Variants in LRRC4C observed in about 807,000 individuals in gnomAD.
LRRC4C encodes leucine rich repeat containing 4C.
A neutral mutation model predicts 33.6 loss-of-function variants in LRRC4C; 5 were observed. The observed-to-expected ratio is 0.15, with a 90% CI of 0.08 to 0.31. The LOEUF (loss-of-function observed/expected upper bound fraction) is 0.31, where lower values mean the gene tolerates loss of function less well. Among genes scored for constraint, LRRC4C ranks in the 10% least tolerant of loss-of-function variants. The pLI is 1.00. For synonymous variants in LRRC4C, 329 were observed against 302.0 expected (o/e 1.09, Z -0.93); for missense variants, 560 against 796.7 (o/e 0.70, Z 3.58).
intron 3 of LRRC4C, among the ~76,000 whole-genome samples, chr11:40,629,611 CTT>C (rs543692400): frequency 9.2e-5 from 14 of 152,134 alleles, no homozygotes; most frequent in Non-Finnish European, 1.9e-4. Flanking sequence ...GCACAGTTAA[CTT>C]AAGTCTCTCA....
intron 1 of LRRC4C, among the ~76,000 whole-genome samples, chr11:41,384,828 T>C (rs933257214): frequency 1.3e-5 from 2 of 149,372 alleles, no homozygotes; most frequent in African/African-American, 4.9e-5. Flanking sequence ...TTCAGTATAC[T>C]ATACAAATGA....
At chr11:41,007,225 A>C (rs180947301) in intron 1 of LRRC4C, among the ~76,000 whole-genome samples, 54 of 152,266 alleles carry the variant, frequency 3.5e-4, no homozygotes, top group Non-Finnish European at 6.5e-4. Flanking sequence ...AGAAAAAAAC[A>C]ATAGCTCAAT....
intron 3 of LRRC4C, among the ~76,000 whole-genome samples, chr11:40,624,313 T>A (rs1008201149): frequency 6.6e-6 from 1 of 152,162 alleles, no homozygotes; most frequent in Non-Finnish European, 1.5e-5. Context: ...ATGCTTAAAC[T>A]AGTCTTTAGC....
At chr11:40,566,498 T>C (rs549414084) in intron 3 of LRRC4C, among the ~76,000 whole-genome samples, 241 of 152,238 alleles carry the variant, frequency 1.6e-3, no homozygotes, top group Non-Finnish European at 1.5e-3. Flanking sequence ...GAATAGTTAC[T>C]AGAAGTTAGA....
At chr11:40,480,981 T>G (rs1316849441) in intron 3 of LRRC4C, among the ~76,000 whole-genome samples, 1 of 151,442 alleles carries the variant, frequency 6.6e-6, no homozygotes, top group Admixed American at 6.6e-5. Flanking sequence ...AGTTATAAGA[T>G]GAAGAAGTTT....
chr11:40,145,906 G>C (rs1377867588), intron 5 of LRRC4C, among the ~76,000 whole-genome samples: 1 of 152,144 alleles, frequency 6.6e-6, no homozygotes, highest in African/African-American at 2.4e-5. Context: ...GAAATGAATT[G>C]TTTAAATTAA....
chr11:40,554,878 C>T (rs1046630815), intron 3 of LRRC4C, among the ~76,000 whole-genome samples: 7 of 149,724 alleles, frequency 4.7e-5, no homozygotes, highest in Admixed American at 4.0e-4. Context: ...CCCGCTACCA[C>T]GCCCGGCTAA....
At chr11:40,265,493 A>G in intron 4 of LRRC4C, among the ~76,000 whole-genome samples, 1 of 152,184 alleles carries the variant, frequency 6.6e-6, no homozygotes, top group African/African-American at 2.4e-5. Context: ...CTCTTTTGCA[A>G]CCCCAAAGTG....
intron 4 of LRRC4C, among the ~76,000 whole-genome samples, chr11:40,257,141 C>A (rs1212969191): frequency 6.6e-6 from 1 of 152,052 alleles, no homozygotes; most frequent in Non-Finnish European, 1.5e-5. Flanking sequence ...CAGTGGCCAC[C>A]CAATTATAAT....
rs540741496 is a variant in LRRC4C at position 40,303,461 on chromosome 11, T to C, written c.-176+16167A>G. On this transcript the variant is annotated intron_variant, in intron 4 of 6. Transcript: ENST00000528697. ...TCCTGCCACTGGAGTAGCTCAATCA[T>C]AGGCTGCACGTTGTGGTTAGGCCTT... 6.6e-5 allele frequency among the ~76,000 whole-genome samples: 10 copies of C among 152,280 alleles called. No individual in the cohort carries two copies. In the South Asian group the frequency reaches 1.7e-3, roughly 25 times the overall value.
At chr11:40,972,136 ATTTTTTT>A (rs3075563) in intron 1 of LRRC4C, among the ~76,000 whole-genome samples, 2 of 137,884 alleles carry the variant, frequency 1.5e-5, no homozygotes, top group East Asian at 2.2e-4. Context: ...GGAAGCCATA[ATTTTTTT>A]TTTTTTTTTT....
chr11:40,183,123 C>A (rs1392836157), intron 5 of LRRC4C, among the ~76,000 whole-genome samples: 1 of 152,012 alleles, frequency 6.6e-6, no homozygotes, highest in Non-Finnish European at 1.5e-5. Context: ...AAAAATGTAC[C>A]TTGCAAATTT....
intron 3 of LRRC4C, among the ~76,000 whole-genome samples, chr11:40,639,095 G>A (rs80199627): frequency 6.6e-6 from 1 of 151,626 alleles, no homozygotes; most frequent in African/African-American, 2.4e-5. Context: ...TTCCTAGGGA[G>A]GAATTCTTAC....
intron 1 of LRRC4C, among the ~76,000 whole-genome samples, chr11:41,433,777 A>G (rs1388393271): frequency 6.6e-6 from 1 of 151,738 alleles, no homozygotes; most frequent in Non-Finnish European, 1.5e-5. Flanking sequence ...GTGAGTTAAT[A>G]CTTATTAATA....
chr11:41,368,045 A>G lies in LRRC4C; in HGVS notation c.-496+91386T>C, dbSNP rs535445068. On this transcript the variant is annotated intron_variant, in intron 1 of 6. Transcript: ENST00000528697. Reference sequence around the variant, plus strand: ...TGCTTGGGAAATTACTTTCAATGTGATAAGCCAAAATCTCATATTGAGTTA... The same window carrying G: ...TGCTTGGGAAATTACTTTCAATGTGGTAAGCCAAAATCTCATATTGAGTTA... Among the ~76,000 whole-genome samples, 18 of 152,324 alleles carry G rather than the reference A, an allele frequency of 1.2e-4. 1 individual carries two copies. The South Asian group carries it at 3.5e-3, about 30-fold the overall frequency.
intron 1 of LRRC4C, among the ~76,000 whole-genome samples, chr11:41,140,875 A>T (rs566320281): frequency 1.3e-5 from 2 of 152,270 alleles, no homozygotes; most frequent in East Asian, 3.9e-4. Flanking sequence ...CACAGATTAT[A>T]TTACTAAGAA....
intron 3 of LRRC4C, among the ~76,000 whole-genome samples, chr11:40,505,519 T>G (rs545756462): frequency 3.9e-5 from 6 of 152,318 alleles, no homozygotes; most frequent in Non-Finnish European, 8.8e-5. Context: ...CTGTAAACTT[T>G]GAGAATGAAC....
At chr11:40,676,639 A>T (rs901456134) in intron 2 of LRRC4C, among the ~76,000 whole-genome samples, 4 of 152,176 alleles carry the variant, frequency 2.6e-5, no homozygotes, top group Admixed American at 1.3e-4. Context: ...GCATTATAAG[A>T]TGGCTATCAT....
chr11:41,311,903 T>C lies in LRRC4C; in HGVS notation c.-496+147528A>G, dbSNP rs192059288. 7.1e-4 allele frequency among the ~76,000 whole-genome samples: 108 copies of C among 152,286 alleles called. 1 individual carries two copies. The Middle Eastern group carries it at 0.024, about 34-fold the overall frequency. On this transcript the variant is annotated intron_variant, in intron 1 of 6. Coordinates refer to ENST00000528697, the MANE Select transcript of LRRC4C (RefSeq NM_001258419.2). ...ATCAGTGGAAGTAGGGGTTTCTCTG[T>C]CTTATTTACAGCATAAATCCATGGA... is the stretch of plus-strand genomic sequence containing the variant.
Sources: gnomAD v4.1 joint callset for allele counts (sites outside exome capture counted in the v4.1 genomes callset) on GRCh38, gnomAD v4.1.1 for gene constraint, MANE v1.5 for transcripts, NCBI Gene and HGNC (gene_info 2026-07-23, HGNC 2026-07-21) for gene names.